The following MACROD2 variants were observed in gnomAD, a reference collection of about 807,000 sequenced individuals.
MACROD2 encodes mono-ADP ribosylhydrolase 2.
Under a neutral mutation model 70.4 loss-of-function variants are expected in MACROD2, and 36 were observed. That is an observed-to-expected ratio of 0.51 (90% CI 0.39 to 0.68). MACROD2 has a LOEUF of 0.68. MACROD2 is among the 30% of genes least tolerant of loss of function. MACROD2 has a pLI of 0.00. For synonymous variants in MACROD2, 172 were observed against 178.8 expected (o/e 0.96, Z 0.30); for missense variants, 496 against 538.4 (o/e 0.92, Z 0.78).
chr20:14,443,406 C>G (rs2084148220), intron 3 of MACROD2, among the ~76,000 whole-genome samples: 1 of 150,964 alleles, frequency 6.6e-6, no homozygotes. Context: ...AAGCGATTCT[C>G]TTGTCTTAGC....
Position 15,592,282 on chromosome 20 carries a change from C to A in MACROD2, c.645+92435C>A, listed in dbSNP as rs868824559. On this transcript the variant is annotated intron_variant, in intron 8 of 17. Coordinates refer to ENST00000684519, the MANE Select transcript of MACROD2 (RefSeq NM_001351661.2). ...GTCACTGCTCAATAAATAATCACTT[C>A]TATTGTTAAGACAGAGCCAAGAGTT... is the stretch of plus-strand genomic sequence containing the variant. Among the ~76,000 whole-genome samples, 4 of 152,214 alleles carry A rather than the reference C, an allele frequency of 2.6e-5. No individual in the cohort carries two copies. The South Asian group carries it at 8.3e-4, about 32-fold the overall frequency.
intron 5 of MACROD2, chr20:15,196,843 C>T (rs2076610023): frequency 1.0e-6 from 1 of 984,984 alleles, no homozygotes; most frequent in African/African-American, 1.7e-5. Flanking sequence ...GAGTCTTATC[C>T]ATACCAGATA....
chr20:14,984,718 A>G (rs1338626315), intron 5 of MACROD2, among the ~76,000 whole-genome samples: 1 of 152,188 alleles, frequency 6.6e-6, no homozygotes, highest in Non-Finnish European at 1.5e-5. Flanking sequence ...TAATTTGAGA[A>G]TAACACATCA....
At chr20:15,607,160 A>G (rs2048905605) in intron 8 of MACROD2, among the ~76,000 whole-genome samples, 1 of 152,202 alleles carries the variant, frequency 6.6e-6, no homozygotes, top group African/African-American at 2.4e-5. Flanking sequence ...TACCAACAAA[A>G]CAAAAACAAT....
At chr20:15,499,245 AG>A (rs1162354719) in intron 7 of MACROD2, among the ~76,000 whole-genome samples, 8 of 152,200 alleles carry the variant, frequency 5.3e-5, no homozygotes, top group Admixed American at 3.3e-4. Context: ...CTCAATTCCA[AG>A]CATCACCTCT....
At chr20:14,102,260 C>T (rs975209711) in intron 3 of MACROD2, among the ~76,000 whole-genome samples, 2 of 151,888 alleles carry the variant, frequency 1.3e-5, no homozygotes, top group Non-Finnish European at 2.9e-5. Context: ...CCTCAGCCTC[C>T]GAAAGTGCTG....
chr20:15,051,266 T>C (rs189396250), intron 5 of MACROD2, among the ~76,000 whole-genome samples: 1 of 152,252 alleles, frequency 6.6e-6, no homozygotes, highest in Admixed American at 6.5e-5. Flanking sequence ...TTTCGTTTAC[T>C]TGGCTAGTTT....
chr20:15,337,215 T>C (rs532878430), intron 6 of MACROD2, among the ~76,000 whole-genome samples: 118 of 151,870 alleles, frequency 7.8e-4, no homozygotes, highest in Non-Finnish European at 1.5e-3. Flanking sequence ...AAGTTAGAAT[T>C]TTAAGAATTT....
intron 3 of MACROD2, among the ~76,000 whole-genome samples, chr20:14,113,156 C>T (rs553844646): frequency 6.6e-6 from 1 of 152,054 alleles, no homozygotes; most frequent in East Asian, 1.9e-4. Context: ...TATAGAAGCA[C>T]CCCATGTTTG....
In MACROD2 at chr20:15,184,981, G is replaced by A. The variant is rs566736992; in HGVS notation, c.419-44959G>A. The stretch of plus-strand genomic sequence containing the variant: ...CATTCAAACAACTCTATGATAATAT[G>A]ATGGGAGCTTTAATGGACTACTAAA... On this transcript the variant is annotated intron_variant, in intron 5 of 17. Coordinates refer to ENST00000684519, the MANE Select transcript of MACROD2 (RefSeq NM_001351661.2). Among the ~76,000 whole-genome samples, 16 of 152,312 alleles carry A rather than the reference G, an allele frequency of 1.1e-4. No individual in the cohort carries two copies. In the South Asian group the frequency reaches 3.3e-3, roughly 32 times the overall value.
intron 5 of MACROD2, among the ~76,000 whole-genome samples, chr20:15,082,706 A>G (rs1440946077): frequency 6.6e-6 from 1 of 152,056 alleles, no homozygotes; most frequent in Non-Finnish European, 1.5e-5. Context: ...AAGATTTACA[A>G]TTTTGAGTTC....
intron 4 of MACROD2, among the ~76,000 whole-genome samples, chr20:14,524,851 C>G (rs1232458778): frequency 6.6e-6 from 1 of 152,170 alleles, no homozygotes; most frequent in Non-Finnish European, 1.5e-5. Context: ...GAGCCCCTTG[C>G]CCTGCTTCCT....
chr20:14,629,954 TCTATCTATCTATCTA>T (rs1984411686), intron 4 of MACROD2, among the ~76,000 whole-genome samples: 10 of 141,922 alleles, frequency 7.0e-5, no homozygotes, highest in East Asian at 2.0e-4. Flanking sequence ...TGTGCTAAGG[TCTATCTATCTATCTA>T]TCTATCTATC....
At chr20:15,638,177 T>A (rs766699786) in intron 8 of MACROD2, among the ~76,000 whole-genome samples, 3 of 152,200 alleles carry the variant, frequency 2.0e-5, no homozygotes, top group Non-Finnish European at 4.4e-5. Context: ...CCCTCAGTAT[T>A]AGGGAAATGG....
At chr20:14,599,424 G>A (rs1600437575) in intron 4 of MACROD2, among the ~76,000 whole-genome samples, 1 of 152,130 alleles carries the variant, frequency 6.6e-6, no homozygotes. Flanking sequence ...CATCAGTGGA[G>A]TAAAGGATAT....
chr20:15,124,131 T>G (rs1185190407), intron 5 of MACROD2, among the ~76,000 whole-genome samples: 2 of 152,108 alleles, frequency 1.3e-5, no homozygotes, highest in Non-Finnish European at 2.9e-5. Context: ...CTTCTCTCTT[T>G]GATTTTTTTT....
chr20:14,465,893 T>C (rs1002518806), intron 3 of MACROD2, among the ~76,000 whole-genome samples: 1 of 152,184 alleles, frequency 6.6e-6, no homozygotes, highest in Non-Finnish European at 1.5e-5. Flanking sequence ...GAGTTTCTGC[T>C]GAGAGATCAG....
intron 3 of MACROD2, among the ~76,000 whole-genome samples, chr20:14,209,588 C>T (rs2122128424): frequency 6.6e-6 from 1 of 152,260 alleles, no homozygotes; most frequent in East Asian, 1.9e-4. Flanking sequence ...ATTTCCTGCT[C>T]ATTACAGGGA....
chr20:15,988,652 G>A (rs1320265660), intron 15 of MACROD2, among the ~76,000 whole-genome samples: 1 of 151,996 alleles, frequency 6.6e-6, no homozygotes, highest in Non-Finnish European at 1.5e-5. Context: ...TCTGATAATG[G>A]TGGAATAGCA....
Sources: allele counts gnomAD v4.1 joint callset (sites outside exome capture counted in the v4.1 genomes callset), GRCh38; gene constraint gnomAD v4.1.1; transcripts MANE v1.5; gene names NCBI Gene and HGNC (gene_info 2026-07-23, HGNC 2026-07-21).